Variants in RAB35 observed in about 807,000 individuals in gnomAD.
RAB35 encodes RAB35, member RAS oncogene family, also known as ras-related protein Rab-35.
A neutral mutation model predicts 28.9 loss-of-function variants in RAB35; 4 were observed. That is an observed-to-expected ratio of 0.14 (90% CI 0.07 to 0.32). The LOEUF (loss-of-function observed/expected upper bound fraction) is 0.32, where lower values mean the gene tolerates loss of function less well. Ranked by LOEUF, RAB35 falls within the 10% of genes least tolerant of loss-of-function variation. The probability of loss-of-function intolerance (pLI) is 1.00; values close to 1 mark genes in which losing one functional copy is unlikely to be tolerated. For missense variants in RAB35, 128 were observed against 274.0 expected (o/e 0.47, Z 3.76); for synonymous variants, 99 against 105.1 (o/e 0.94, Z 0.35).
At chr12:120,098,101 G>A (rs1875503915) in intron 5 of RAB35, among the ~76,000 whole-genome samples, 2 of 152,080 alleles carry the variant, frequency 1.3e-5, no homozygotes, top group African/African-American at 4.8e-5. Flanking sequence ...AGCCAGGATG[G>A]TCTCGATCTC....
chr12:120,101,378 T>C (rs1452607500), intron 3 of RAB35, among the ~76,000 whole-genome samples: 1 of 152,100 alleles, frequency 6.6e-6, no homozygotes, highest in Non-Finnish European at 1.5e-5. Flanking sequence ...CTTGCCTTCC[T>C]TGTCACTTCT....
rs1206598542 is a variant in RAB35, at chr12:120,096,715, C to T, written c.*530G>A. The T allele has an allele frequency of 7.8e-7, 1 of 1,289,824 alleles. No individual in the cohort carries two copies. Among genetic ancestry groups the T allele is most frequent in the Admixed American group, 2.3e-5 (1 of 43,558 alleles). 79.9% of individuals were successfully genotyped at this position (1,289,824 alleles called of 1,614,324 possible). On this transcript the variant is annotated 3_prime_UTR_variant, in exon 6 of 6. Transcript: ENST00000229340. ...CACAGGCCCCGGAGAAGGGGCAAGA[C>T]CCTGTGCAGCGGGGACAGAGGCTGA...
intron 1 of RAB35, chr12:120,108,728 T>C (rs1163077295): frequency 1.6e-6 from 1 of 631,908 alleles, no homozygotes; most frequent in Admixed American, 2.1e-5. Context: ...AGAAAGGGAC[T>C]GGTGCCCAGG....
At position 120,103,291 on chromosome 12, in the gene RAB35, G is replaced by A. The variant is rs962894254; in HGVS notation, c.227+535C>T. 1.3e-5 allele frequency among the ~76,000 whole-genome samples: 2 copies of A among 152,048 alleles called. No homozygotes were observed. The highest frequency in any genetic ancestry group is 4.8e-5 in the African/African-American group (2 of 41,370). ...AGCCACAAAGGTGGGCAACCGGTGG[G>A]CGGCCGGATTTCCCAGGAACAGCTT... On this transcript the variant is annotated intron_variant, in intron 3 of 5. Transcript: ENST00000229340. The surrounding 1 kb of genome is among the most constrained non-coding windows in gnomAD (Gnocchi z 6.1).
At chr12:120,104,089 C>A in intron 2 of RAB35, 140 bp from the exon 3 acceptor site, 1 of 1,189,188 alleles carries the variant, frequency 8.4e-7, no homozygotes, top group Non-Finnish European at 1.2e-6. Context: ...GTCCCAGGGA[C>A]ACAGCCCTGA....
intron 1 of RAB35, among the ~76,000 whole-genome samples, chr12:120,109,493 G>A (rs1876025904): frequency 6.6e-6 from 1 of 151,830 alleles, no homozygotes; most frequent in Non-Finnish European, 1.5e-5. Flanking sequence ...CACTCAGGCT[G>A]GAGTACAATG....
intron 1 of RAB35, among the ~76,000 whole-genome samples, chr12:120,112,729 C>CTTT: frequency 1.4e-5 from 2 of 142,604 alleles, no homozygotes; most frequent in East Asian, 2.1e-4. Context: ...GTGCCTGGAC[C>CTTT]TTTTTTTTTT....
At chr12:120,097,400 G>A (rs202073592) in intron 5 of RAB35, 27 bp from the exon 6 acceptor site, 68 of 1,586,644 alleles carry the variant, frequency 4.3e-5, no homozygotes, top group East Asian at 1.6e-4. Context: ...GGAAGGGCCC[G>A]CCTCAGACCT....
rs561964221 is a variant in RAB35 at position 120,104,441 on chromosome 12, C to T, written c.104-492G>A. 3.7e-4 allele frequency among the ~76,000 whole-genome samples: 56 copies of T among 152,296 alleles called. 1 individual carries two copies. Among genetic ancestry groups the T allele is most frequent in the Middle Eastern group, 6.8e-3 (2 of 294 alleles). ...CAGGGGAGACAGTAGCAAAAACAGCCGTGAGTGGGGGCGGTCACATGAGGT... is the reference window on the plus strand; with the variant it reads ...CAGGGGAGACAGTAGCAAAAACAGCTGTGAGTGGGGGCGGTCACATGAGGT... On this transcript the variant is annotated intron_variant, in intron 2 of 5. Coordinates refer to ENST00000229340, the MANE Select transcript of RAB35 (RefSeq NM_006861.7).
At chr12:120,106,371 T>C (rs1239614518) in intron 2 of RAB35, among the ~76,000 whole-genome samples, 1 of 152,204 alleles carries the variant, frequency 6.6e-6, no homozygotes, top group Non-Finnish European at 1.5e-5. Flanking sequence ...TCTCAGGTCA[T>C]CCTATAACAA....
chr12:120,103,957 C>A lies in RAB35; in HGVS notation c.104-8G>T, dbSNP rs775045394. On this transcript the variant is annotated splice_polypyrimidine_tract_variant and splice_region_variant and intron_variant, in intron 2 of 5. Transcript: ENST00000229340. This position sits in a 1 kb window ranked among gnomAD's most constrained non-coding sequence, Gnocchi z 6.1. ...TCGTGGTGATGTAGCTGCCTGCACACACAGGGCAGTTAACGAGGCCCAGCG... is the reference window on the plus strand; with the variant it reads ...TCGTGGTGATGTAGCTGCCTGCACAAACAGGGCAGTTAACGAGGCCCAGCG... 2 of 1,613,824 alleles carry A rather than the reference C, an allele frequency of 1.2e-6. No homozygotes were observed. Among genetic ancestry groups the A allele is most frequent in the Non-Finnish European group, 1.7e-6 (2 of 1,179,874 alleles).
intron 1 of RAB35, among the ~76,000 whole-genome samples, chr12:120,114,308 G>C (rs1224639225): frequency 6.6e-6 from 1 of 152,190 alleles, no homozygotes; most frequent in Non-Finnish European, 1.5e-5. Flanking sequence ...GCCCAAGTTG[G>C]TCTCAAACTC....
At chr12:120,101,634 C>T (rs1033243223) in intron 3 of RAB35, among the ~76,000 whole-genome samples, 28 of 152,242 alleles carry the variant, frequency 1.8e-4, no homozygotes, top group African/African-American at 6.5e-4. Flanking sequence ...CAAAGGGCGT[C>T]GAGACTTCCA....
intron 1 of RAB35, among the ~76,000 whole-genome samples, chr12:120,112,959 C>T (rs914530163): frequency 3.3e-5 from 5 of 150,504 alleles, no homozygotes; most frequent in Admixed American, 1.3e-4. Flanking sequence ...GGCACGATCT[C>T]GGCTCACTGC....
rs1875981046 is a variant in RAB35 at position 120,108,492 on chromosome 12, G to A, written c.53-25C>T. On this transcript the variant is annotated intron_variant, in intron 1 of 5. Transcript: ENST00000229340. Reference sequence around the variant, plus strand: ...CCTGCAAGAGAGAAAGCACTGCGATGAGGGGGGCAGGTGGGTCCCCTCCCC... The same window carrying A: ...CCTGCAAGAGAGAAAGCACTGCGATAAGGGGGGCAGGTGGGTCCCCTCCCC... 4.3e-6 allele frequency: 7 copies of A among 1,611,368 alleles called. 1 individual carries two copies. The highest frequency in any genetic ancestry group is 1.1e-5 in the South Asian group (1 of 90,956).
chr12:120,096,990 G>A lies in RAB35; in HGVS notation c.*255C>T. 1 of 1,487,468 alleles carries A rather than the reference G, an allele frequency of 6.7e-7. No homozygotes were observed. The allele number at this position is 1,487,468 out of a possible 1,614,324, so 92.1% of individuals were successfully genotyped here. ...CTCTGCGAATCAGTCCGCTCGGCGG[G>A]CAGCGTCCTCGCCAGGTCCAGGCGC... On this transcript the variant is annotated 3_prime_UTR_variant, in exon 6 of 6. Transcript: ENST00000229340.
In RAB35 at chr12:120,095,806, G is replaced by C. The variant is rs1011654789; in HGVS notation, c.*1439C>G. ...CCACAGTGCTAACATGGAAACTGCA[G>C]TGTGATCTGTGATGTGATTGTCCAA... On this transcript the variant is annotated 3_prime_UTR_variant, in exon 6 of 6. Coordinates refer to ENST00000229340, the MANE Select transcript of RAB35 (RefSeq NM_006861.7). 2.0e-5 allele frequency: 3 copies of C among 152,668 alleles called. No individual in the cohort carries two copies. Among genetic ancestry groups the C allele is most frequent in the South Asian group, 2.1e-4 (1 of 4,856 alleles). The allele number at this position is 152,668 out of a possible 1,614,324, so 9.5% of individuals were successfully genotyped here.
At chr12:120,112,079 C>T (rs1159227492) in intron 1 of RAB35, among the ~76,000 whole-genome samples, 4 of 152,018 alleles carry the variant, frequency 2.6e-5, no homozygotes, top group Admixed American at 2.0e-4. Flanking sequence ...CAGATTCAAG[C>T]GATTCTCTTG....
intron 2 of RAB35, among the ~76,000 whole-genome samples, chr12:120,104,823 G>A (rs1296736505): frequency 2.0e-5 from 3 of 152,074 alleles, no homozygotes; most frequent in South Asian, 2.1e-4. Flanking sequence ...TAGTACAGAC[G>A]GGGTTTCACC....
Sources: allele counts gnomAD v4.1 joint callset (sites outside exome capture counted in the v4.1 genomes callset), GRCh38; gene constraint gnomAD v4.1.1; non-coding constraint Gnocchi (gnomAD v3.1); transcripts MANE v1.5; gene names NCBI Gene and HGNC (gene_info 2026-07-23, HGNC 2026-07-21).